Variants in NINJ2 observed in about 807,000 individuals in gnomAD.
NINJ2 encodes the protein ninjurin 2.
NINJ2 carries 12 observed loss-of-function variants against 11.7 expected under a neutral mutation model. The ratio of observed to expected loss-of-function variants is 1.02; its 90% confidence interval spans 0.66 to 1.66. NINJ2 has a LOEUF of 1.66. NINJ2 is among the 40% of genes most tolerant of loss of function. The pLI is 0.00. For missense variants in NINJ2, 187 were observed against 181.8 expected (o/e 1.03, Z -0.16); for synonymous variants, 93 against 76.8 (o/e 1.21, Z -1.10).
At chr12:630,577 C>T (rs2120426601) in intron 1 of NINJ2, among the ~76,000 whole-genome samples, 1 of 152,292 alleles carries the variant, frequency 6.6e-6, no homozygotes, top group Middle Eastern at 3.4e-3. Context: ...GGAGTTTCAC[C>T]ATGTTGACAG....
chr12:611,241 TTCTTTCTCTCTCTC>T (rs1565634879), intron 1 of NINJ2, among the ~76,000 whole-genome samples: 3 of 123,258 alleles, frequency 2.4e-5, no homozygotes, highest in African/African-American at 6.7e-5. Flanking sequence ...CTTTCTTTCT[TTCTTTCTCTCTCTC>T]TCTTTCTTTC....
At chr12:623,845 G>C (rs1431647961) in intron 1 of NINJ2, among the ~76,000 whole-genome samples, 2 of 152,174 alleles carry the variant, frequency 1.3e-5, no homozygotes, top group African/African-American at 4.8e-5. Flanking sequence ...ACCAGACTGG[G>C]CAACACAGTG....
At chr12:605,103 T>C (rs560784197) in intron 1 of NINJ2, among the ~76,000 whole-genome samples, 1 of 152,340 alleles carries the variant, frequency 6.6e-6, no homozygotes, top group Admixed American at 6.5e-5. Flanking sequence ...GAGTGAGGCA[T>C]GTGCCGTGTG....
chr12:660,137 A>T (rs1253337465), intron 1 of NINJ2, among the ~76,000 whole-genome samples: 1 of 151,724 alleles, frequency 6.6e-6, no homozygotes, highest in Non-Finnish European at 1.5e-5. Context: ...AGAAAAAAAA[A>T]ATTAGCTGGG....
intron 1 of NINJ2, among the ~76,000 whole-genome samples, chr12:603,351 C>T (rs2535394): frequency 0.7 from 105,917 of 152,130 alleles, 37,618 homozygotes; most frequent in African/African-American, 0.83. Flanking sequence ...TTGTAAATAT[C>T]TCTCCCATTA....
rs116536038 is a variant in NINJ2 at position 576,630 on chromosome 12, G to A, written c.34-10452C>T. 2.6e-3 allele frequency among the ~76,000 whole-genome samples: 392 copies of A among 152,312 alleles called. 2 individuals carry two copies. The highest frequency in any genetic ancestry group is 9.1e-3 in the African/African-American group (377 of 41,562). On this transcript the variant is annotated intron_variant, in intron 1 of 3. Transcript: ENST00000305108. The stretch of plus-strand genomic sequence containing the variant: ...TGCTTCAGTCTCCCAAAGTGCCGGG[G>A]CTGCAGGCGCGAGCCGCCACCCCGG...
chr12:572,079 G>A (rs181283770), intron 1 of NINJ2, among the ~76,000 whole-genome samples: 39 of 152,364 alleles, frequency 2.6e-4, no homozygotes, highest in Admixed American at 1.2e-3. Context: ...AATCCGGGCC[G>A]GGAGCACTGG....
intron 1 of NINJ2, chr12:610,482 G>A (rs2120940291): frequency 1.3e-6 from 2 of 1,530,870 alleles, no homozygotes; most frequent in South Asian, 2.4e-5. Flanking sequence ...GGGTCAGCGA[G>A]CACAGCCTTC....
In NINJ2 at chr12:580,870, G is replaced by C. The variant is rs1316342526; in HGVS notation, c.34-14692C>G. On this transcript the variant is annotated intron_variant, in intron 1 of 3. Transcript: ENST00000305108. This position sits in a 1 kb window ranked among gnomAD's most constrained non-coding sequence, Gnocchi z 4.7. The stretch of plus-strand genomic sequence containing the variant: ...TGTCTGTGTGTGCATGAGTGTCTGT[G>C]TGAATGTGTCTATGCATGTGTCTGT... Among the ~76,000 whole-genome samples the C allele has an allele frequency of 6.6e-6, 1 of 151,790 alleles. No homozygotes were observed. Among genetic ancestry groups the C allele is most frequent in the Non-Finnish European group, 1.5e-5 (1 of 67,934 alleles).
chr12:638,766 G>A (rs1287612583), intron 1 of NINJ2, among the ~76,000 whole-genome samples: 1 of 152,120 alleles, frequency 6.6e-6, no homozygotes, highest in Non-Finnish European at 1.5e-5. Context: ...TTCTTGTACT[G>A]GTTTCCACTT....
In NINJ2 at chr12:663,424, A is replaced by C; in HGVS notation, c.-64T>G. ...GGGAACAGACTGCGTGGGCTCCTCC[A>C]GGCTCCGCCGTCTGAGTCTCTGCTG... On this transcript the variant is annotated 5_prime_UTR_variant, in exon 1 of 4. Coordinates refer to ENST00000305108, the MANE Select transcript of NINJ2 (RefSeq NM_016533.6). 1 of 1,614,092 alleles carries C rather than the reference A, an allele frequency of 6.2e-7. No homozygotes were observed. Among genetic ancestry groups the C allele is most frequent in the Non-Finnish European group, 8.5e-7 (1 of 1,179,972 alleles).
At chr12:616,206 A>T (rs1236609567) in intron 1 of NINJ2, among the ~76,000 whole-genome samples, 2 of 152,210 alleles carry the variant, frequency 1.3e-5, no homozygotes, top group African/African-American at 4.8e-5. Context: ...CCAGGAGCTG[A>T]CTTGGACTTC....
At chr12:650,067 G>T (rs1175706674) in intron 1 of NINJ2, among the ~76,000 whole-genome samples, 2 of 138,634 alleles carry the variant, frequency 1.4e-5, no homozygotes, top group African/African-American at 5.3e-5. Context: ...GTTTCTAGAA[G>T]TGAGATTAGT....
rs1356914419 is a variant in NINJ2, at chr12:585,478, AGGG to A, written c.34-19303_34-19301del. 1.5e-4 allele frequency among the ~76,000 whole-genome samples: 5 copies of A among 33,200 alleles called. No homozygotes were observed. The highest frequency in any genetic ancestry group is 3.7e-4 in the Non-Finnish European group (5 of 13,692). The allele number at this position is 33,200 out of a possible 152,430, so 21.8% of individuals were successfully genotyped here. On this transcript the variant is annotated intron_variant, in intron 1 of 3. Transcript: ENST00000305108. The surrounding 1 kb of genome is among the most constrained non-coding windows in gnomAD (Gnocchi z 4.1). ...CATCAGGCAGGCAACGGTTGGAGGA[AGGG>A]AACGGTTGGAGGGAAGGGAAGGGAA...
rs1947540987 is a variant in NINJ2 at position 580,886 on chromosome 12, ATG to A, written c.34-14710_34-14709del. On this transcript the variant is annotated intron_variant, in intron 1 of 3. Transcript: ENST00000305108. The surrounding 1 kb of genome is among the most constrained non-coding windows in gnomAD (Gnocchi z 4.7). ...AGTGTCTGTGTGAATGTGTCTATGCATGTGTCTGTGTGTCTGTGTGTGTGTCT... is the reference window on the plus strand; with the variant it reads ...AGTGTCTGTGTGAATGTGTCTATGCATGTCTGTGTGTCTGTGTGTGTGTCT... 6.7e-6 allele frequency among the ~76,000 whole-genome samples: 1 copy of A among 148,944 alleles called. No individual in the cohort carries two copies. The highest frequency in any genetic ancestry group is 1.5e-5 in the Non-Finnish European group (1 of 67,320).
chr12:567,179 A>G (rs1947312018), intron 1 of NINJ2, among the ~76,000 whole-genome samples: 1 of 152,214 alleles, frequency 6.6e-6, no homozygotes, highest in African/African-American at 2.4e-5. Context: ...GCCTGGAGGT[A>G]GGGAAGATGA....
intron 1 of NINJ2, among the ~76,000 whole-genome samples, chr12:609,585 T>C (rs1201918232): frequency 4.6e-5 from 7 of 151,506 alleles, no homozygotes; most frequent in African/African-American, 1.5e-4. Flanking sequence ...CTGGTTAACA[T>C]GGTGAAACCC....
chr12:649,531 G>GTATA lies in NINJ2; in HGVS notation c.33+13793_33+13796dup, dbSNP rs58255301. Among the ~76,000 whole-genome samples, 576 of 127,608 alleles carry GTATA rather than the reference G, an allele frequency of 4.5e-3. 9 individuals carry two copies. The highest frequency in any genetic ancestry group is 0.01 in the African/African-American group (368 of 35,362). The allele number at this position is 127,608 out of a possible 152,430, so 83.7% of individuals were successfully genotyped here. On this transcript the variant is annotated intron_variant, in intron 1 of 3. Transcript: ENST00000305108. ...AGTGAATATGTGTGTGTGTATATGT[G>GTATA]TATATATATATATATATATATAGTA...
intron 1 of NINJ2, chr12:642,772 GAA>G (rs1304735096): frequency 6.6e-6 from 1 of 152,180 alleles, no homozygotes; most frequent in Non-Finnish European, 1.5e-5. Flanking sequence ...GCGGGGGAAG[GAA>G]GAGATGAAGC....
Sources: allele counts gnomAD v4.1 joint callset (sites outside exome capture counted in the v4.1 genomes callset), GRCh38; gene constraint gnomAD v4.1.1; non-coding constraint Gnocchi (gnomAD v3.1); transcripts MANE v1.5; gene names NCBI Gene and HGNC (gene_info 2026-07-23, HGNC 2026-07-21).